CADPS: variants seen among roughly 807,000 people sequenced by gnomAD.
The protein encoded by CADPS is calcium dependent secretion activator.
A neutral mutation model predicts 167.3 loss-of-function variants in CADPS; 57 were observed. The ratio of observed to expected loss-of-function variants is 0.34; its 90% CI spans 0.28 to 0.42. The LOEUF (loss-of-function observed/expected upper bound fraction) is 0.42. Among genes scored for constraint, CADPS ranks in the 20% least tolerant of loss-of-function variants. The pLI is 1.00. For synonymous variants in CADPS, 676 were observed against 635.3 expected (o/e 1.06, Z -0.96); for missense variants, 1,414 against 1,738.1 (o/e 0.81, Z 3.32).
intron 8 of CADPS, among the ~76,000 whole-genome samples, chr3:62,576,251 T>A (rs2082243113): frequency 6.6e-6 from 1 of 152,180 alleles, no homozygotes; most frequent in African/African-American, 2.4e-5. Flanking sequence ...AGTGGTTATA[T>A]CTCAGACTAA....
At chr3:62,575,112 T>C (rs1460279800) in intron 8 of CADPS, among the ~76,000 whole-genome samples, 4 of 152,188 alleles carry the variant, frequency 2.6e-5, no homozygotes, top group Non-Finnish European at 4.4e-5. Context: ...TTTGCATCCA[T>C]AGAAAGAGAT....
chr3:62,496,381 A>G (rs4688299), intron 18 of CADPS, among the ~76,000 whole-genome samples: 16,625 of 152,208 alleles, frequency 0.11, 1,374 homozygotes, highest in African/African-American at 0.21. Context: ...ATCTGTAAGT[A>G]AAAGTTGAGA....
chr3:62,837,393 T>C (rs2076048419), intron 1 of CADPS, among the ~76,000 whole-genome samples: 1 of 152,154 alleles, frequency 6.6e-6, no homozygotes, highest in South Asian at 2.1e-4. Context: ...CAGGACGGGT[T>C]AAGTTGAGAG....
chr3:62,624,138 C>T (rs564537542), intron 6 of CADPS, among the ~76,000 whole-genome samples: 2 of 152,254 alleles, frequency 1.3e-5, no homozygotes, highest in Admixed American at 6.5e-5. Context: ...TGGCCTGAAA[C>T]GTCAACAGTG....
chr3:62,669,185 C>G (rs1362529438), intron 3 of CADPS, among the ~76,000 whole-genome samples: 1 of 152,182 alleles, frequency 6.6e-6, no homozygotes, highest in Non-Finnish European at 1.5e-5. Flanking sequence ...TCCCAGTGTG[C>G]CCCCTGGGTT....
chr3:62,816,841 T>C (rs756143262), intron 1 of CADPS, among the ~76,000 whole-genome samples: 7 of 152,166 alleles, frequency 4.6e-5, no homozygotes, highest in Non-Finnish European at 1.0e-4. Context: ...TTTTCAAATC[T>C]CTTTAGTCCA....
intron 1 of CADPS, among the ~76,000 whole-genome samples, chr3:62,824,166 C>CAAAAAAAAA (rs3047274): frequency 7.9e-6 from 1 of 126,654 alleles, no homozygotes. Context: ...GCTATAACTT[C>CAAAAAAAAA]AAAAAAAAAA....
chr3:62,580,238 A>G (rs926306478), intron 8 of CADPS, among the ~76,000 whole-genome samples: 1 of 152,320 alleles, frequency 6.6e-6, no homozygotes, highest in South Asian at 2.1e-4. Flanking sequence ...CATATACACC[A>G]TGGAATACTA....
At chr3:62,829,618 A>G (rs912910040) in intron 1 of CADPS, among the ~76,000 whole-genome samples, 3 of 152,150 alleles carry the variant, frequency 2.0e-5, no homozygotes, top group African/African-American at 7.2e-5. Context: ...TTCCAGGTGT[A>G]GTATCAAAGT....
chr3:62,588,312 T>A (rs2085127953), intron 7 of CADPS, among the ~76,000 whole-genome samples: 1 of 151,882 alleles, frequency 6.6e-6, no homozygotes, highest in South Asian at 2.1e-4. Context: ...TTTTTTTTTT[T>A]TCCTAGCAGA....
intron 22 of CADPS, among the ~76,000 whole-genome samples, chr3:62,479,487 G>C (rs539890938): frequency 6.6e-6 from 1 of 152,362 alleles, no homozygotes; most frequent in Non-Finnish European, 1.5e-5. Flanking sequence ...TGTTTCTATT[G>C]TGACAGATGC....
In CADPS at chr3:62,438,715, TTGTGTGTG is replaced by T. The variant is rs34771903; in HGVS notation, c.3670-512_3670-505del. On this transcript the variant is annotated intron_variant, in intron 27 of 29. Coordinates refer to ENST00000383710, the MANE Select transcript of CADPS (RefSeq NM_003716.4). The surrounding 1 kb of genome is among the most constrained non-coding windows in gnomAD (Gnocchi z 4.7). ...TATACCTCTTCCTACCCAAGTCTCA[TTGTGTGTG>T]TGTGTGTGTGTGTGTGTGTGTGTGT... The T allele has an allele frequency of 0.2, 29,346 of 144,182 alleles. 2,997 individuals carry two copies. The highest frequency in any genetic ancestry group is 0.27 in the Middle Eastern group (81 of 298). 8.9% of individuals were successfully genotyped at this position (144,182 alleles called of 1,614,324 possible). A position where few individuals can be genotyped will look rare whatever the true frequency, so the allele number is the denominator to read the frequency against.
intron 3 of CADPS, among the ~76,000 whole-genome samples, chr3:62,689,921 G>A (rs1400579842): frequency 6.6e-6 from 1 of 151,966 alleles, no homozygotes; most frequent in African/African-American, 2.4e-5. Flanking sequence ...TATGTTCGAG[G>A]AGATCCCATG....
At chr3:62,474,008 C>T (rs1473698607) in intron 24 of CADPS, 165 bp downstream of exon 24, 4 of 529,210 alleles carry the variant, frequency 7.6e-6, no homozygotes, top group Non-Finnish European at 1.3e-5. Flanking sequence ...TAGAAATCTA[C>T]TTGACAAACA....
At chr3:62,518,452 G>A (rs2069550389) in intron 13 of CADPS, among the ~76,000 whole-genome samples, 1 of 152,190 alleles carries the variant, frequency 6.6e-6, no homozygotes, top group African/African-American at 2.4e-5. Context: ...CATGTGCAGA[G>A]CTGTAGCTCT....
intron 6 of CADPS, among the ~76,000 whole-genome samples, chr3:62,642,462 T>C (rs1016878899): frequency 2.0e-5 from 3 of 152,004 alleles, no homozygotes; most frequent in Admixed American, 6.6e-5. Context: ...AGATTAGTAA[T>C]AGGAGAAAGT....
At chr3:62,547,041 A>G (rs528716133) in intron 11 of CADPS, among the ~76,000 whole-genome samples, 1 of 152,298 alleles carries the variant, frequency 6.6e-6, no homozygotes, top group Non-Finnish European at 1.5e-5. Flanking sequence ...GGTTGGGTTG[A>G]TTAAATCCTA....
At position 62,827,420 on chromosome 3, in the gene CADPS, T is replaced by G. The variant is rs147969457; in HGVS notation, c.441+47169A>C. Among the ~76,000 whole-genome samples, 250 of 152,282 alleles carry G rather than the reference T, an allele frequency of 1.6e-3. 1 individual carries two copies. Among genetic ancestry groups the G allele is most frequent in the African/African-American group, 5.6e-3 (231 of 41,566 alleles). The stretch of plus-strand genomic sequence containing the variant: ...TATCATTTAACCCTTATAACCCCCA[T>G]GAGGCACATACTTTAATACCCATTT... On this transcript the variant is annotated intron_variant, in intron 1 of 29. Coordinates refer to ENST00000383710, the MANE Select transcript of CADPS (RefSeq NM_003716.4).
rs537569734 is a variant in CADPS, at chr3:62,753,358, A to T, written c.888+83T>A. 7 of 1,043,636 alleles carry T rather than the reference A, an allele frequency of 6.7e-6. No individual in the cohort carries two copies. The highest frequency in any genetic ancestry group is 3.2e-5 in the African/African-American group (2 of 62,692). The allele number at this position is 1,043,636 out of a possible 1,614,324, so 64.6% of individuals were successfully genotyped here. ...AAATATAAGTTTTAATCCTTTTTTT[A>T]AAAAAATCAAGAAGTATCTCATAGA... On this transcript the variant is annotated intron_variant, in intron 3 of 29. Coordinates refer to ENST00000383710, the MANE Select transcript of CADPS (RefSeq NM_003716.4). The surrounding 1 kb of genome is among the most constrained non-coding windows in gnomAD (Gnocchi z 4.6).
Sources: gnomAD v4.1 joint callset for allele counts (sites outside exome capture counted in the v4.1 genomes callset) on GRCh38, gnomAD v4.1.1 for gene constraint, Gnocchi (gnomAD v3.1) non-coding constraint, MANE v1.5 for transcripts, NCBI Gene and HGNC (gene_info 2026-07-23, HGNC 2026-07-21) for gene names.